KCNG2: variants seen among roughly 807,000 people sequenced by gnomAD.
The protein encoded by KCNG2 is potassium voltage-gated channel modifier subfamily G member 2, also known as voltage-gated potassium channel regulatory subunit KCNG2.
In KCNG2, 7 loss-of-function variants were observed where a neutral mutation model predicts 12.3. That is an observed-to-expected ratio of 0.57 (90% CI 0.32 to 1.07). The LOEUF (loss-of-function observed/expected upper bound fraction) is 1.07. Among genes scored for constraint, KCNG2 ranks in the 50% least tolerant of loss-of-function variants. The pLI, the probability that KCNG2 is intolerant of heterozygous loss-of-function variation, is 0.04. For missense variants in KCNG2, 703 were observed against 726.0 expected (o/e 0.97, Z 0.36); for synonymous variants, 414 against 351.4 (o/e 1.18, Z -1.99).
In KCNG2 at chr18:79,899,892, T is replaced by TG. The variant is rs533564133; in HGVS notation, c.*82dup. 2.0e-4 allele frequency: 254 copies of TG among 1,246,464 alleles called. No individual in the cohort carries two copies. The highest frequency in any genetic ancestry group is 1.5e-3 in the African/African-American group (98 of 63,314). 77.2% of individuals were successfully genotyped at this position (1,246,464 alleles called of 1,614,324 possible). On this transcript the variant is annotated 3_prime_UTR_variant, in exon 4 of 4. Transcript: ENST00000316249. ...GGGACCCCCGAGGTGCGCCAAGGGGTGGGGGGCGTCTGGCCTGGGGGAGCG... is the reference window on the plus strand; with the variant it reads ...GGGACCCCCGAGGTGCGCCAAGGGGTGGGGGGGCGTCTGGCCTGGGGGAGCG...
chr18:79,825,460 A>G (rs1415306454), intron 1 of KCNG2, among the ~76,000 whole-genome samples: 1 of 152,230 alleles, frequency 6.6e-6, no homozygotes, highest in Non-Finnish European at 1.5e-5. Context: ...GTCCATAAAA[A>G]TATCTTTCCT....
chr18:79,899,297 C>T lies in KCNG2; in HGVS notation c.882C>T (p.Arg294=), dbSNP rs1246393573. The T allele has an allele frequency of 1.7e-5, 26 of 1,563,994 alleles. No homozygotes were observed. The highest frequency in any genetic ancestry group is 3.5e-5 in the South Asian group (3 of 85,920). The change falls in exon 4 of 4, where the codon CGC becomes CGT. Residue 294 remains arginine (R), a synonymous_variant. Transcript: ENST00000316249. The stretch of plus-strand genomic sequence containing the variant: ...TGCTGCGGCTGCTGCGTGCGCTGCG[C>T]GTGCTCTACGTGATGCGCCTGGCGC... ...GLVLRLLRAL[R]VLYVMRLARH...
At chr18:79,850,375 G>C (rs1244456415) in intron 1 of KCNG2, among the ~76,000 whole-genome samples, 1 of 152,182 alleles carries the variant, frequency 6.6e-6, no homozygotes, top group Non-Finnish European at 1.5e-5. Context: ...AAAGAGATTT[G>C]TAATTACTCT....
intron 3 of KCNG2, among the ~76,000 whole-genome samples, chr18:79,877,580 C>G (rs1428358515): frequency 1.3e-5 from 2 of 152,074 alleles, no homozygotes; most frequent in Non-Finnish European, 2.9e-5. Context: ...ACCTCCGCCC[C>G]CCCCGAGAGT....
Position 79,899,904 on chromosome 18 carries a change from G to A in KCNG2, c.*88G>A. ...GTGCGCCAAGGGGTGGGGGGCGTCT[G>A]GCCTGGGGGAGCGGCTCCTGCCGGC... On this transcript the variant is annotated 3_prime_UTR_variant, in exon 4 of 4. Transcript: ENST00000316249. The A allele has an allele frequency of 8.3e-7, 1 of 1,199,510 alleles. No homozygotes were observed. Among genetic ancestry groups the A allele is most frequent in the Non-Finnish European group, 1.1e-6 (1 of 948,084 alleles). The allele number at this position is 1,199,510 out of a possible 1,614,324, so 74.3% of individuals were successfully genotyped here.
Position 79,800,695 on chromosome 18 carries a change from C to T in KCNG2, c.-115+2681C>T, listed in dbSNP as rs895478412. On this transcript the variant is annotated intron_variant, in intron 1 of 3. Transcript: ENST00000316249. This position sits in a 1 kb window ranked among gnomAD's most constrained non-coding sequence, Gnocchi z 4.0. ...AGCAGTTCCTTCCCCGGGCGGGCGG[C>T]GCTGAGCAGACGGGAGGTGGGCTGG... 1.3e-5 allele frequency among the ~76,000 whole-genome samples: 2 copies of T among 152,306 alleles called. No homozygotes were observed. Among genetic ancestry groups the T allele is most frequent in the African/African-American group, 2.4e-5 (1 of 41,564 alleles).
chr18:79,870,488 G>A (rs999167194), intron 3 of KCNG2, among the ~76,000 whole-genome samples: 3 of 152,162 alleles, frequency 2.0e-5, no homozygotes, highest in African/African-American at 7.2e-5. Context: ...AGAGCTGCGC[G>A]CTCCCTCTGC....
intron 1 of KCNG2, among the ~76,000 whole-genome samples, chr18:79,829,066 G>A (rs1443829787): frequency 1.1e-5 from 1 of 94,560 alleles, no homozygotes; most frequent in African/African-American, 3.3e-5. Context: ...GTGTCTGTGT[G>A]TGCATGTGTC....
intron 3 of KCNG2, among the ~76,000 whole-genome samples, chr18:79,890,646 G>A (rs566290637): frequency 6.6e-6 from 1 of 152,340 alleles, no homozygotes; most frequent in East Asian, 1.9e-4. Context: ...CGTTCTTTCT[G>A]TGGCTGTGGA....
chr18:79,834,517 G>A (rs909261708), intron 1 of KCNG2, among the ~76,000 whole-genome samples: 1 of 152,210 alleles, frequency 6.6e-6, no homozygotes, highest in Non-Finnish European at 1.5e-5. Flanking sequence ...GAAAAAGACA[G>A]TTTGAGAGAG....
intron 3 of KCNG2, among the ~76,000 whole-genome samples, chr18:79,876,776 C>T (rs1229840599): frequency 2.0e-5 from 3 of 152,266 alleles, no homozygotes; most frequent in Admixed American, 6.5e-5. Context: ...AGGCCCGGGC[C>T]ACCAACTCCG....
chr18:79,860,017 C>T (rs1268081557), intron 2 of KCNG2, among the ~76,000 whole-genome samples: 1 of 152,198 alleles, frequency 6.6e-6, no homozygotes, highest in African/African-American at 2.4e-5. Context: ...GTGCCAATGT[C>T]TGCTAAGCTT....
intron 1 of KCNG2, among the ~76,000 whole-genome samples, chr18:79,810,320 G>T (rs1248241004): frequency 2.0e-5 from 3 of 152,300 alleles, no homozygotes; most frequent in East Asian, 3.9e-4. Context: ...TGATCAGTGG[G>T]GAGGGGGGAA....
chr18:79,853,269 A>G (rs1978888085), intron 1 of KCNG2, among the ~76,000 whole-genome samples: 1 of 152,230 alleles, frequency 6.6e-6, no homozygotes, highest in African/African-American at 2.4e-5. Context: ...GAAAGAACGC[A>G]GCAAAGTGAG....
intron 3 of KCNG2, among the ~76,000 whole-genome samples, chr18:79,898,643 GAGA>G (rs779353225): frequency 2.0e-5 from 3 of 152,250 alleles, no homozygotes; most frequent in African/African-American, 4.8e-5. Context: ...TGGCCAAGCT[GAGA>G]AGGAGGATGC....
In KCNG2 at chr18:79,801,103, T is replaced by A. The variant is rs761123244; in HGVS notation, c.-115+3089T>A. On this transcript the variant is annotated intron_variant, in intron 1 of 3. Coordinates refer to ENST00000316249, the MANE Select transcript of KCNG2 (RefSeq NM_012283.2). ...CAGGGCTTTAACTGCTGGTCTCTGA[T>A]CCCCGCCACGTCAGATGAGAGGGTT... Among the ~76,000 whole-genome samples the A allele has an allele frequency of 1.6e-3, 243 of 152,092 alleles. 9 individuals carry two copies. The highest frequency in any genetic ancestry group is 4.9e-4 in the Non-Finnish European group (33 of 68,026).
In KCNG2 at chr18:79,899,558, C is replaced by G. The variant is rs557508303; in HGVS notation, c.1143C>G (p.Pro381=). ...GYGDMVPRSL[P]GQVVALSSIL... is the part of the protein sequence containing the mutation. ...GCGACATGGTCCCGCGCAGCCTGCC[C>G]GGGCAGGTGGTGGCGCTCAGCAGCA... is the stretch of plus-strand genomic sequence containing the variant. Residue 381 remains proline (P), a synonymous_variant, in exon 4 of 4, where the codon CCC becomes CCG. Coordinates refer to ENST00000316249, the MANE Select transcript of KCNG2 (RefSeq NM_012283.2). 1.2e-6 allele frequency: 2 copies of G among 1,601,708 alleles called. No individual in the cohort carries two copies. Among genetic ancestry groups the G allele is most frequent in the East Asian group, 2.3e-5 (1 of 44,034 alleles).
intron 1 of KCNG2, among the ~76,000 whole-genome samples, chr18:79,806,595 C>T (rs551541740): frequency 1.1e-4 from 16 of 152,312 alleles, no homozygotes; most frequent in African/African-American, 3.8e-4. Context: ...TCTTTTATCT[C>T]TCAAATGATG....
rs569654639 is a variant in KCNG2 at position 79,839,151 on chromosome 18, G to A, written c.-114-17228G>A. The stretch of plus-strand genomic sequence containing the variant: ...AAAATATAAATTTAAAAATAAATTA[G>A]CAGAATATGTGGGCGCATGCCTGTC... On this transcript the variant is annotated intron_variant, in intron 1 of 3. Coordinates refer to ENST00000316249, the MANE Select transcript of KCNG2 (RefSeq NM_012283.2). Among the ~76,000 whole-genome samples the A allele has an allele frequency of 1.2e-4, 19 of 152,212 alleles. No homozygotes were observed. In the East Asian group the frequency reaches 3.7e-3, roughly 29 times the overall value.
Sources: gnomAD v4.1 joint callset for allele counts (sites outside exome capture counted in the v4.1 genomes callset) on GRCh38, gnomAD v4.1.1 for gene constraint, Gnocchi (gnomAD v3.1) non-coding constraint, MANE v1.5 for transcripts, NCBI Gene and HGNC (gene_info 2026-07-23, HGNC 2026-07-21) for gene names.